Variants in PTPRR observed in about 807,000 individuals in gnomAD.
PTPRR encodes the protein receptor-type tyrosine-protein phosphatase R.
A neutral mutation model predicts 77.2 loss-of-function variants in PTPRR; 38 were observed. The ratio of observed to expected loss-of-function variants is 0.49; its 90% CI spans 0.38 to 0.65. PTPRR has a LOEUF of 0.65. Among genes scored for constraint, PTPRR ranks in the 30% least tolerant of loss-of-function variants. PTPRR has a pLI of 0.00. For synonymous variants in PTPRR, 299 were observed against 283.1 expected, an observed-to-expected ratio of 1.06 and a Z score of -0.57; for missense variants, 744 against 799.2, an observed-to-expected ratio of 0.93 and a Z score of 0.83.
chr12:70,740,615 AT>A (rs1890017027), intron 6 of PTPRR, among the ~76,000 whole-genome samples: 1 of 152,120 alleles, frequency 6.6e-6, no homozygotes, highest in African/African-American at 2.4e-5. Context: ...TAAGCAATCC[AT>A]TTAGTCTCTA....
At chr12:70,693,553 T>C (rs1888127336) in intron 8 of PTPRR, among the ~76,000 whole-genome samples, 1 of 152,042 alleles carries the variant, frequency 6.6e-6, no homozygotes, top group Admixed American at 6.6e-5. Flanking sequence ...TGGGGTCTTA[T>C]TATATTGCCC....
At chr12:70,751,708 T>C (rs1366888036) in intron 5 of PTPRR, among the ~76,000 whole-genome samples, 1 of 152,116 alleles carries the variant, frequency 6.6e-6, no homozygotes, top group Non-Finnish European at 1.5e-5. Context: ...TTTAGAGTAG[T>C]TTTAGGTTTA....
intron 1 of PTPRR, among the ~76,000 whole-genome samples, chr12:70,905,499 A>G (rs546880861): frequency 1.3e-5 from 2 of 152,078 alleles, no homozygotes; most frequent in African/African-American, 2.4e-5. Flanking sequence ...AAGAACTTTT[A>G]TCATAAAAAC....
rs561122881 is a variant in PTPRR, at chr12:70,892,991, G to A, written c.59-14C>T. The A allele has an allele frequency of 6.2e-6, 10 of 1,610,052 alleles. No individual in the cohort carries two copies. In the South Asian group the frequency reaches 7.7e-5, roughly 12 times the overall value. The stretch of plus-strand genomic sequence containing the variant: ...CTGAAAAGCACCCTGAAAGAGGGAA[G>A]AAGCAGAAACAATATCAAAGACCCT... On this transcript the variant is annotated splice_polypyrimidine_tract_variant and intron_variant, in intron 1 of 13. Coordinates refer to ENST00000283228, the MANE Select transcript of PTPRR (RefSeq NM_002849.4).
chr12:70,895,134 G>A (rs1179018214), intron 1 of PTPRR, among the ~76,000 whole-genome samples: 1 of 151,650 alleles, frequency 6.6e-6, no homozygotes, highest in Non-Finnish European at 1.5e-5. Flanking sequence ...AGACGTATAT[G>A]TTGGTCACAC....
chr12:70,673,645 G>A (rs1887330185), intron 10 of PTPRR, among the ~76,000 whole-genome samples: 1 of 152,040 alleles, frequency 6.6e-6, no homozygotes, highest in African/African-American at 2.4e-5. Flanking sequence ...AGAAGAAATA[G>A]AAATAATAAG....
Position 70,892,669 on chromosome 12 carries a change from T to C in PTPRR, c.357+10A>G. The C allele has an allele frequency of 6.2e-7, 1 of 1,612,272 alleles. No individual in the cohort carries two copies. The highest frequency in any genetic ancestry group is 8.5e-7 in the Non-Finnish European group (1 of 1,178,584). On this transcript the variant is annotated intron_variant, in intron 2 of 13. Coordinates refer to ENST00000283228, the MANE Select transcript of PTPRR (RefSeq NM_002849.4). ...CATCAGCCTCAGCATCAGTTTAACA[T>C]ACTACTTACCACCACAATTACATTT... is the stretch of plus-strand genomic sequence containing the variant.
At chr12:70,913,256 A>C (rs1893726388) in intron 1 of PTPRR, among the ~76,000 whole-genome samples, 1 of 152,166 alleles carries the variant, frequency 6.6e-6, no homozygotes, top group African/African-American at 2.4e-5. Context: ...GACTGTATAC[A>C]CACAAAATGA....
intron 9 of PTPRR, 83 bp downstream of exon 9, chr12:70,684,621 T>C (rs1887792068): frequency 2.1e-6 from 2 of 974,848 alleles, no homozygotes; most frequent in Admixed American, 4.9e-5. Context: ...AAACCAAGCT[T>C]AATCTACTCT....
intron 2 of PTPRR, among the ~76,000 whole-genome samples, chr12:70,868,077 A>G (rs919589373): frequency 1.3e-5 from 2 of 152,176 alleles, no homozygotes; most frequent in African/African-American, 4.8e-5. Flanking sequence ...CTAAAACCAT[A>G]AAAACCCTAG....
chr12:70,661,274 C>T (rs987352360), intron 11 of PTPRR, 177 bp from the exon 12 acceptor site: 2 of 748,326 alleles, frequency 2.7e-6, no homozygotes, highest in Non-Finnish European at 4.6e-6. Flanking sequence ...ACTTTACTGT[C>T]AGTAACCTGT....
chr12:70,757,145 A>C (rs1004439371), intron 4 of PTPRR, among the ~76,000 whole-genome samples: 4 of 152,214 alleles, frequency 2.6e-5, no homozygotes, highest in Admixed American at 2.6e-4. Context: ...TAGTGTTCCT[A>C]GTTTGAAGGA....
rs540570998 is a variant in PTPRR at position 70,882,603 on chromosome 12, TTGAG to T, written c.357+10072_357+10075del. Among the ~76,000 whole-genome samples the T allele has an allele frequency of 3.6e-3, 549 of 150,948 alleles. 4 individuals are homozygous for T. Among genetic ancestry groups the T allele is most frequent in the Non-Finnish European group, 5.8e-3 (396 of 67,988 alleles). On this transcript the variant is annotated intron_variant, in intron 2 of 13. Coordinates refer to ENST00000283228, the MANE Select transcript of PTPRR (RefSeq NM_002849.4). ...CCCATAGTGACTGGGAATATGATGA[TTGAG>T]TAAGACCCATTTTTTTTTTAATTTG...
chr12:70,662,271 C>T (rs1306288474), intron 11 of PTPRR, among the ~76,000 whole-genome samples: 1 of 152,178 alleles, frequency 6.6e-6, no homozygotes, highest in African/African-American at 2.4e-5. Context: ...CAACATCCTA[C>T]ATAATGAATT....
chr12:70,832,685 G>C (rs1045922591), intron 2 of PTPRR, among the ~76,000 whole-genome samples: 12 of 152,194 alleles, frequency 7.9e-5, no homozygotes, highest in Admixed American at 4.6e-4. Flanking sequence ...ATCATGTTGA[G>C]AACAGAACAT....
intron 2 of PTPRR, among the ~76,000 whole-genome samples, chr12:70,804,376 C>A (rs1891672352): frequency 6.6e-6 from 1 of 151,912 alleles, no homozygotes; most frequent in South Asian, 2.1e-4. Flanking sequence ...GGCAACATGG[C>A]AAAACCCTGT....
At chr12:70,678,336 C>T (rs971759126) in intron 10 of PTPRR, among the ~76,000 whole-genome samples, 8 of 152,088 alleles carry the variant, frequency 5.3e-5, no homozygotes, top group East Asian at 1.9e-4. Context: ...CCACAGCACC[C>T]GGCCAGGATA....
At chr12:70,785,914 CTGAT>C (rs912873628) in intron 2 of PTPRR, among the ~76,000 whole-genome samples, 12 of 152,278 alleles carry the variant, frequency 7.9e-5, no homozygotes, top group Admixed American at 2.0e-4. Flanking sequence ...TTCCACTCCC[CTGAT>C]TATGTTTTCT....
intron 1 of PTPRR, among the ~76,000 whole-genome samples, chr12:70,916,927 C>A (rs12809892): frequency 0.16 from 24,191 of 152,184 alleles, 2,139 homozygotes; most frequent in African/African-American, 0.23. Flanking sequence ...AAAGAGAAAG[C>A]AATGGATTGA....
Sources: allele counts gnomAD v4.1 joint callset (sites outside exome capture counted in the v4.1 genomes callset), GRCh38; gene constraint gnomAD v4.1.1; transcripts MANE v1.5; gene names NCBI Gene and HGNC (gene_info 2026-07-23, HGNC 2026-07-21).